SGCD: variants seen among roughly 807,000 people sequenced by gnomAD.
SGCD encodes the protein sarcoglycan delta.
SGCD carries 18 observed loss-of-function variants against 36.6 expected under a neutral mutation model. The observed-to-expected ratio is 0.49, with a 90% confidence interval of 0.34 to 0.73. The LOEUF (loss-of-function observed/expected upper bound fraction) is 0.73. Among genes scored for constraint, SGCD ranks in the 30% least tolerant of loss-of-function variants. The pLI, the probability that SGCD is intolerant of heterozygous loss-of-function variation, is 0.01. For synonymous variants in SGCD, 133 were observed against 130.6 expected, an observed-to-expected ratio of 1.02 and a Z score of -0.12; for missense variants, 387 against 346.7, an observed-to-expected ratio of 1.12 and a Z score of -0.92.
chr5:155,932,238 A>G (rs1041020768), intron 1 of SGCD, among the ~76,000 whole-genome samples: 1 of 152,286 alleles, frequency 6.6e-6, no homozygotes. Context: ...TTACTGTAGC[A>G]CTTTGTACAC....
At chr5:155,843,889 C>G in the SGCD span, among the ~76,000 whole-genome samples, 2 of 151,938 alleles carry the variant, frequency 1.3e-5, no homozygotes, top group African/African-American at 4.8e-5. Flanking sequence ...TCACTGGACA[C>G]CTGTATATTT....
intron 4 of SGCD, among the ~76,000 whole-genome samples, chr5:156,572,267 A>G (rs1214192020): frequency 6.6e-6 from 1 of 152,166 alleles, no homozygotes; most frequent in Non-Finnish European, 1.5e-5. Context: ...TATACTTAGG[A>G]GTAGAGTTGC....
chr5:156,204,473 TACACACACACAC>T lies in SGCD; in HGVS notation c.-44+80474_-44+80485del, dbSNP rs58745098. Reference sequence around the variant, plus strand: ...TTAACTAGTTTAGCCAACACACTCATACACACACACACACACACACACACACACACAATATCA... The same window carrying T: ...TTAACTAGTTTAGCCAACACACTCATACACACACACACACACACAATATCA... On this transcript the variant is annotated intron_variant, in intron 3 of 9. Coordinates refer to the SGCD transcript ENST00000517913. Among the ~76,000 whole-genome samples the T allele has an allele frequency of 3.4e-5, 5 of 147,404 alleles. No individual in the cohort carries two copies. The South Asian group carries it at 8.7e-4, about 26-fold the overall frequency.
At chr5:155,744,910 T>C in the SGCD span, among the ~76,000 whole-genome samples, 1 of 152,210 alleles carries the variant, frequency 6.6e-6, no homozygotes, top group Non-Finnish European at 1.5e-5. Flanking sequence ...GAATAAAATG[T>C]GAATCCACAT....
At chr5:155,798,365 A>C in the SGCD span, among the ~76,000 whole-genome samples, 15 of 152,334 alleles carry the variant, frequency 9.8e-5, no homozygotes, top group East Asian at 2.7e-3. Context: ...TTTCTTTATG[A>C]AACTGCTGAA....
intron 3 of SGCD, among the ~76,000 whole-genome samples, chr5:156,192,511 A>G (rs1459795583): frequency 1.3e-5 from 2 of 152,048 alleles, no homozygotes; most frequent in Non-Finnish European, 2.9e-5. Context: ...GAGGTAAGTT[A>G]ATGGATGCAA....
At chr5:156,268,068 G>T (rs1336867097) in intron 3 of SGCD, among the ~76,000 whole-genome samples, 1 of 152,070 alleles carries the variant, frequency 6.6e-6, no homozygotes, top group Non-Finnish European at 1.5e-5. Context: ...GCTCCCACTT[G>T]CAAGTGAGAA....
intron 1 of SGCD, among the ~76,000 whole-genome samples, chr5:155,904,938 G>T (rs1278277440): frequency 6.6e-6 from 1 of 152,168 alleles, no homozygotes; most frequent in East Asian, 1.9e-4. Flanking sequence ...ATCTCCTTCT[G>T]TGAGTCTCCG....
the SGCD span, among the ~76,000 whole-genome samples, chr5:155,742,087 G>A: frequency 6.6e-6 from 1 of 152,168 alleles, no homozygotes; most frequent in Admixed American, 6.5e-5. Context: ...GGTATACAAA[G>A]TCAGTGATGA....
chr5:156,688,192 T>G (rs1753977787), intron 7 of SGCD, among the ~76,000 whole-genome samples: 1 of 152,184 alleles, frequency 6.6e-6, no homozygotes, highest in Non-Finnish European at 1.5e-5. Context: ...TAGTTATTTT[T>G]CCTGATCCTC....
chr5:156,338,126 C>T (rs1456023833), intron 2 of SGCD, among the ~76,000 whole-genome samples: 1 of 151,598 alleles, frequency 6.6e-6, no homozygotes. Flanking sequence ...CATTAGGAAA[C>T]TTGATGGCAT....
intron 1 of SGCD, among the ~76,000 whole-genome samples, chr5:155,872,482 A>G (rs1483044255): frequency 1.3e-5 from 2 of 152,186 alleles, no homozygotes; most frequent in African/African-American, 2.4e-5. Flanking sequence ...TAAAAATCCA[A>G]TAACATTGCT....
intron 3 of SGCD, among the ~76,000 whole-genome samples, chr5:156,420,703 A>G (rs558085920): frequency 6.6e-6 from 1 of 152,252 alleles, no homozygotes; most frequent in South Asian, 2.1e-4. Flanking sequence ...GGCTTTTTGA[A>G]GAGATTCTTT....
intron 3 of SGCD, among the ~76,000 whole-genome samples, chr5:156,247,524 G>A (rs550928058): frequency 1.6e-4 from 25 of 152,268 alleles, no homozygotes; most frequent in African/African-American, 5.1e-4. Flanking sequence ...TAGTGGCTTC[G>A]ACCAGGTAAA....
chr5:156,735,132 C>A (rs1039652533), intron 7 of SGCD, among the ~76,000 whole-genome samples: 1 of 152,164 alleles, frequency 6.6e-6, no homozygotes, highest in African/African-American at 2.4e-5. Context: ...GGAGGTATCA[C>A]CAGTGAAGGC....
intron 1 of SGCD, among the ~76,000 whole-genome samples, chr5:156,035,396 A>G (rs1413808946): frequency 6.6e-6 from 1 of 152,104 alleles, no homozygotes; most frequent in Non-Finnish European, 1.5e-5. Context: ...ACTTGAGGCC[A>G]AGTGTTCAAT....
rs1554107842 is a variant in SGCD at position 156,487,813 on chromosome 5, A to AAAAAAGAAAAAG, written c.193-20785_193-20784insAAGAAAAAGAAA. Reference sequence around the variant, plus strand: ...CAAAAAAAAAAAAAAAAAAAAAAAAAAAAGAAAGAAAGAAAAAGCTTAACA... The same window carrying AAAAAAGAAAAAG: ...CAAAAAAAAAAAAAAAAAAAAAAAAAAAAAAGAAAAAGAAAGAAAGAAAGAAAAAGCTTAACA... On this transcript the variant is annotated intron_variant, in intron 3 of 8. Coordinates refer to ENST00000337851, the MANE Select transcript of SGCD (RefSeq NM_000337.6). Among the ~76,000 whole-genome samples the AAAAAAGAAAAAG allele has an allele frequency of 3.9e-5, 3 of 77,798 alleles. 1 individual carries two copies. Among genetic ancestry groups the AAAAAAGAAAAAG allele is most frequent in the Non-Finnish European group, 7.5e-5 (3 of 40,108 alleles). 51.0% of individuals were successfully genotyped at this position (77,798 alleles called of 152,430 possible).
chr5:156,758,383 CTGTG>C (rs5872484), intron 8 of SGCD, among the ~76,000 whole-genome samples: 3 of 137,190 alleles, frequency 2.2e-5, no homozygotes, highest in African/African-American at 8.2e-5. Context: ...GTTAAAAAAT[CTGTG>C]TGTTTTTTTT....
intron 6 of SGCD, among the ~76,000 whole-genome samples, chr5:156,620,090 G>A (rs1762184595): frequency 6.6e-6 from 1 of 152,180 alleles, no homozygotes; most frequent in Non-Finnish European, 1.5e-5. Context: ...AGTATGGGGT[G>A]TGGGCACAAA....
Sources: gnomAD v4.1 joint callset for allele counts (sites outside exome capture counted in the v4.1 genomes callset) on GRCh38, gnomAD v4.1.1 for gene constraint, MANE v1.5 for transcripts, NCBI Gene and HGNC (gene_info 2026-07-23, HGNC 2026-07-21) for gene names.